FBN2: variants seen among roughly 807,000 people sequenced by gnomAD.
FBN2 encodes the protein fibrillin-2.
Under a neutral mutation model 355.6 loss-of-function variants are expected in FBN2, and 105 were observed. That is an observed-to-expected ratio of 0.30 (90% CI 0.25 to 0.35). The LOEUF (loss-of-function observed/expected upper bound fraction) is 0.35. FBN2 is among the 10% of genes least tolerant of loss of function. FBN2 has a pLI of 1.00. For synonymous variants in FBN2, 1,350 were observed against 1,301.2 expected, an observed-to-expected ratio of 1.04 and a Z score of -0.81; for missense variants, 3,280 against 3,758.7, an observed-to-expected ratio of 0.87 and a Z score of 3.33.
At chr5:128,329,504 G>T (rs1170185501) in intron 33 of FBN2, among the ~76,000 whole-genome samples, 1 of 152,090 alleles carries the variant, frequency 6.6e-6, no homozygotes, top group Non-Finnish European at 1.5e-5. Flanking sequence ...TTTAGAAGAG[G>T]AAGAACCTGT....
rs376939706 is a variant in FBN2, at chr5:128,340,869, G to A, written c.3344-1808C>T. Among the ~76,000 whole-genome samples the A allele has an allele frequency of 1.3e-5, 2 of 151,890 alleles. 1 individual carries two copies. Among genetic ancestry groups the A allele is most frequent in the South Asian group, 4.2e-4 (2 of 4,818 alleles). ...TATGCAAACTTCTCTGCTAAGAATG[G>A]GTAATTTGGAGGGTGTGGCTTTTGA... is the stretch of plus-strand genomic sequence containing the variant. On this transcript the variant is annotated intron_variant, in intron 25 of 64. Coordinates refer to ENST00000262464, the MANE Select transcript of FBN2 (RefSeq NM_001999.4).
Position 128,328,712 on chromosome 5 carries a change from G to A in FBN2, c.4455C>T (p.Asp1485=). The change falls in exon 34 of 65, where the codon GAC becomes GAT. Residue 1485 remains aspartate (D), a synonymous_variant. Coordinates refer to ENST00000262464, the MANE Select transcript of FBN2 (RefSeq NM_001999.4). ...GTGACCCACCTTGGCAGGATCTGCT[G>A]TCTGAGGCTGGAGTGAAGCCCATCT... The part of the protein sequence containing the change: ...ECEMGFTPAS[D]SRSCQDIDEC... 6.2e-7 allele frequency: 1 copy of A among 1,614,170 alleles called. No individual in the cohort carries two copies.
chr5:128,293,050 C>T (rs1749372887), intron 48 of FBN2, among the ~76,000 whole-genome samples: 1 of 152,094 alleles, frequency 6.6e-6, no homozygotes, highest in Non-Finnish European at 1.5e-5. Flanking sequence ...TAGAAAGGTG[C>T]CAAATGTTCA....
In FBN2 at chr5:128,374,649, T is replaced by A. The variant is rs1265481267; in HGVS notation, c.2074A>T (p.Met692Leu). 1 of 1,614,008 alleles carries A rather than the reference T, an allele frequency of 6.2e-7. No homozygotes were observed. ...CDCPPGLAVG[M>L]DGRVCVDTHM... ...TTACCAACACACACACGTCCATCCA[T>A]GCCCACAGCCAGGCCTGGGGGACAG... The change falls in exon 15 of 65, where the codon ATG becomes TTG. Residue 692 changes from methionine to leucine, a missense_variant. Physicochemically the swap from Met to Leu is conservative, Grantham distance 15. Coordinates refer to ENST00000262464, the MANE Select transcript of FBN2 (RefSeq NM_001999.4).
At chr5:128,326,041 C>T (rs17445055) in intron 34 of FBN2, among the ~76,000 whole-genome samples, 3,355 of 152,236 alleles carry the variant, frequency 0.022, 130 homozygotes, top group African/African-American at 0.077. Flanking sequence ...TTTCTTCCAT[C>T]GTGGGTTGGT....
At chr5:128,370,514 C>CAA (rs1237368956) in intron 15 of FBN2, among the ~76,000 whole-genome samples, 3 of 152,148 alleles carry the variant, frequency 2.0e-5, no homozygotes, top group Non-Finnish European at 4.4e-5. Flanking sequence ...GGAGTCAACT[C>CAA]AGAGAAACTT....
chr5:128,468,579 T>C (rs1008144010), intron 5 of FBN2, among the ~76,000 whole-genome samples: 1 of 152,226 alleles, frequency 6.6e-6, no homozygotes, highest in Admixed American at 6.5e-5. Context: ...TATATTCTCC[T>C]CAGCAATGTA....
chr5:128,369,797 C>T (rs1366494506), intron 15 of FBN2, among the ~76,000 whole-genome samples: 1 of 152,092 alleles, frequency 6.6e-6, no homozygotes, highest in African/African-American at 2.4e-5. Flanking sequence ...TCCCACTTTC[C>T]GAGTTAGGAG....
At chr5:128,348,230 T>C (rs1355717209) in intron 23 of FBN2, among the ~76,000 whole-genome samples, 10 of 152,238 alleles carry the variant, frequency 6.6e-5, no homozygotes, top group Non-Finnish European at 1.2e-4. Context: ...TTATTATTTT[T>C]GACATTTTCT....
intron 56 of FBN2, among the ~76,000 whole-genome samples, 175 bp downstream of exon 56, chr5:128,280,017 C>T (rs1234310448): frequency 6.6e-6 from 1 of 152,136 alleles, no homozygotes; most frequent in Non-Finnish European, 1.5e-5. Flanking sequence ...ATATAACACA[C>T]ACATGTACAA....
chr5:128,401,704 C>T lies in FBN2; in HGVS notation c.1079-6430G>A, dbSNP rs191750609. Reference sequence around the variant, plus strand: ...GCTGAGGCAGGGTAATCACTTGAACCCGGGAGGTGGAGCTTGCAGTGAGCC... The same window carrying T: ...GCTGAGGCAGGGTAATCACTTGAACTCGGGAGGTGGAGCTTGCAGTGAGCC... On this transcript the variant is annotated intron_variant, in intron 8 of 64. Coordinates refer to ENST00000262464, the MANE Select transcript of FBN2 (RefSeq NM_001999.4). Among the ~76,000 whole-genome samples the T allele has an allele frequency of 1.1e-4, 17 of 152,258 alleles. 1 individual carries two copies. Among genetic ancestry groups the T allele is most frequent in the Admixed American group, 9.8e-4 (15 of 15,286 alleles).
At chr5:128,344,594 T>C (rs1751119068) in intron 24 of FBN2, 84 bp from the exon 25 acceptor site, 3 of 1,305,318 alleles carry the variant, frequency 2.3e-6, no homozygotes, top group Non-Finnish European at 2.2e-6. Flanking sequence ...TCTATCATGA[T>C]GGACAACAGT....
intron 62 of FBN2, among the ~76,000 whole-genome samples, chr5:128,268,305 C>G (rs1765170751): frequency 6.6e-6 from 1 of 151,978 alleles, no homozygotes; most frequent in Admixed American, 6.6e-5. Flanking sequence ...ACACATACAC[C>G]CTACCAAGAC....
At chr5:128,296,748 C>T (rs936817087) in intron 48 of FBN2, among the ~76,000 whole-genome samples, 1 of 152,098 alleles carries the variant, frequency 6.6e-6, no homozygotes, top group African/African-American at 2.4e-5. Context: ...ATTAGTCTTG[C>T]TAGTGGTCTA....
intron 34 of FBN2, among the ~76,000 whole-genome samples, chr5:128,321,732 G>C (rs1471414108): frequency 2.0e-5 from 3 of 152,108 alleles, no homozygotes; most frequent in Non-Finnish European, 1.5e-5. Flanking sequence ...TTGCTATTAT[G>C]AACAGTGCTG....
rs143754198 is a variant in FBN2, at chr5:128,404,461, C to T, written c.1078+4213G>A. 1.1e-3 allele frequency among the ~76,000 whole-genome samples: 162 copies of T among 152,280 alleles called. 3 individuals are homozygous for T. In the East Asian group the frequency reaches 0.026, roughly 25 times the overall value. ...CTGGTTAGTGCAGGACTTAGCTTTC[C>T]GAACCTCAAGTTAGCTCTTGCTTTA... On this transcript the variant is annotated intron_variant, in intron 8 of 64. Coordinates refer to ENST00000262464, the MANE Select transcript of FBN2 (RefSeq NM_001999.4).
Position 128,446,594 on chromosome 5 carries a change from C to A in FBN2, c.839G>T (p.Cys280Phe). Residue 280 changes from cysteine to phenylalanine, a missense_variant, in exon 7 of 65, where the codon TGC becomes TTC. Transcript: ENST00000262464. The part of the protein sequence containing the change: ...RTGACQDVDE[C>F]QAIPGICQGG... Reference sequence around the variant, plus strand: ...TTGGCATATCCCTGGGATAGCCTGGCATTCATCAACATCTGCAAGAAGAAA... The same window carrying A: ...TTGGCATATCCCTGGGATAGCCTGGAATTCATCAACATCTGCAAGAAGAAA... The A allele has an allele frequency of 6.2e-7, 1 of 1,613,410 alleles. No homozygotes were observed. Among genetic ancestry groups the A allele is most frequent in the East Asian group, 2.2e-5 (1 of 44,830 alleles).
At chr5:128,340,240 C>A (rs1208418428) in intron 25 of FBN2, among the ~76,000 whole-genome samples, 1 of 152,070 alleles carries the variant, frequency 6.6e-6, no homozygotes, top group Admixed American at 6.6e-5. Context: ...TTTTGATGAA[C>A]TTAATTTTGA....
chr5:128,263,477 C>G lies in FBN2; in HGVS notation c.8140G>C (p.Glu2714Gln). 6.2e-7 allele frequency: 1 copy of G among 1,614,140 alleles called. No individual in the cohort carries two copies. Among genetic ancestry groups the G allele is most frequent in the South Asian group, 1.1e-5 (1 of 91,070 alleles). ...GGGCAGCCACAGAGGTAGCCCCCCT[C>G]CGTGTTAGAGCAGCCGTAATTGCAG... is the stretch of plus-strand genomic sequence containing the variant. ...NPCNYGCSNT[E>Q]GGYLCGCPPG... is the part of the protein sequence containing the mutation. The change falls in exon 63 of 65, where the codon GAG (glutamate) becomes CAG (glutamine). Residue 2714 changes from glutamate (E) to glutamine (Q), a missense_variant. Around this residue, in one of 6 missense-constraint regions of FBN2, gnomAD observed 311 missense variants for 319.1 expected, o/e 0.97. Transcript: ENST00000262464.
Sources: allele counts gnomAD v4.1 joint callset (sites outside exome capture counted in the v4.1 genomes callset), GRCh38; gene constraint gnomAD v4.1.1; regional missense constraint gnomAD v4.1.1; transcripts MANE v1.5; gene names NCBI Gene and HGNC (gene_info 2026-07-23, HGNC 2026-07-21).